XKR6: variants seen among roughly 807,000 people sequenced by gnomAD.
XKR6 encodes the protein XK-related protein 6.
In XKR6, 22 loss-of-function variants were observed where a neutral mutation model predicts 56.7. That is an observed-to-expected ratio of 0.39 (90% CI 0.28 to 0.55). XKR6 has a LOEUF of 0.55. Ranked by LOEUF, XKR6 falls within the 20% of genes least tolerant of loss-of-function variation. XKR6 has a pLI of 0.66. For missense variants in XKR6, 852 were observed against 889.0 expected, an observed-to-expected ratio of 0.96 and a Z score of 0.53; for synonymous variants, 524 against 387.8, an observed-to-expected ratio of 1.35 and a Z score of -4.13.
intron 1 of XKR6, among the ~76,000 whole-genome samples, chr8:10,990,518 C>T (rs1797966159): frequency 6.6e-6 from 1 of 152,326 alleles, no homozygotes; most frequent in Non-Finnish European, 1.5e-5. Flanking sequence ...TGGGAGCTGT[C>T]CATGGACACA....
At chr8:11,001,311 G>A (rs1798233413) in intron 1 of XKR6, among the ~76,000 whole-genome samples, 1 of 151,990 alleles carries the variant, frequency 6.6e-6, no homozygotes, top group South Asian at 2.1e-4. Flanking sequence ...TTTAGGGCCA[G>A]CTAGTGAATA....
chr8:10,988,558 A>C lies in XKR6; in HGVS notation c.765-63728T>G, dbSNP rs139269822. 1.4e-3 allele frequency among the ~76,000 whole-genome samples: 207 copies of C among 152,302 alleles called. 1 individual carries two copies. Among genetic ancestry groups the C allele is most frequent in the African/African-American group, 4.5e-3 (188 of 41,564 alleles). ...GGCAAGGAATGCTAGGCACAGTTCC[A>C]TTCCATGCAAGGTCCACACAGAAAC... On this transcript the variant is annotated intron_variant, in intron 1 of 2. Coordinates refer to ENST00000416569, the MANE Select transcript of XKR6 (RefSeq NM_173683.4).
chr8:10,995,717 G>A (rs1344037154), intron 1 of XKR6, among the ~76,000 whole-genome samples: 2 of 151,598 alleles, frequency 1.3e-5, no homozygotes, highest in African/African-American at 2.4e-5. Context: ...AAAATTGAGG[G>A]CATTAATTTT....
intron 1 of XKR6, among the ~76,000 whole-genome samples, chr8:10,983,994 C>A (rs1364754345): frequency 2.6e-5 from 4 of 152,076 alleles, no homozygotes; most frequent in Non-Finnish European, 4.4e-5. Flanking sequence ...ACATTGACAT[C>A]AAACTCCCCA....
chr8:11,144,960 G>A (rs1397020898), intron 1 of XKR6, among the ~76,000 whole-genome samples: 2 of 146,338 alleles, frequency 1.4e-5, no homozygotes, highest in East Asian at 2.0e-4. Flanking sequence ...GGAGAGAAGG[G>A]AGGAAGGAAG....
chr8:11,071,213 CA>C (rs1189810485), intron 1 of XKR6, among the ~76,000 whole-genome samples: 1 of 152,164 alleles, frequency 6.6e-6, no homozygotes, highest in African/African-American at 2.4e-5. Context: ...GGTCATTGCT[CA>C]GCATTTAGGG....
intron 1 of XKR6, among the ~76,000 whole-genome samples, chr8:11,009,445 G>C (rs1798450755): frequency 6.6e-6 from 1 of 152,190 alleles, no homozygotes; most frequent in African/African-American, 2.4e-5. Context: ...TGGGGAAGTT[G>C]AGGCTGCAGA....
chr8:11,184,103 T>C (rs1284001977), intron 1 of XKR6, among the ~76,000 whole-genome samples: 3 of 152,150 alleles, frequency 2.0e-5, no homozygotes, highest in Non-Finnish European at 4.4e-5. Context: ...TCATACATAG[T>C]GTATATTTGA....
At chr8:11,091,989 G>C (rs889441574) in intron 1 of XKR6, among the ~76,000 whole-genome samples, 1 of 152,156 alleles carries the variant, frequency 6.6e-6, no homozygotes, top group African/African-American at 2.4e-5. Context: ...CTGCGGTTCA[G>C]AATTTTTTCG....
At chr8:11,093,814 C>A (rs113033410) in intron 1 of XKR6, among the ~76,000 whole-genome samples, 3 of 151,812 alleles carry the variant, frequency 2.0e-5, no homozygotes, top group Non-Finnish European at 4.4e-5. Flanking sequence ...GATGGAGTCT[C>A]GCTCTGTCGC....
chr8:10,968,434 C>T (rs947568744), intron 1 of XKR6, among the ~76,000 whole-genome samples: 4 of 152,250 alleles, frequency 2.6e-5, no homozygotes, highest in Non-Finnish European at 5.9e-5. Flanking sequence ...CTCTCCCCAG[C>T]TTTGTGCCCT....
At chr8:11,123,167 G>A (rs990841923) in intron 1 of XKR6, among the ~76,000 whole-genome samples, 11 of 151,266 alleles carry the variant, frequency 7.3e-5, no homozygotes, top group African/African-American at 2.4e-4. Context: ...AACCTGGGAG[G>A]TGGAGGTCGC....
chr8:10,959,018 A>G (rs1250878214), intron 1 of XKR6, among the ~76,000 whole-genome samples: 1 of 152,086 alleles, frequency 6.6e-6, no homozygotes, highest in Non-Finnish European at 1.5e-5. Flanking sequence ...ACCGGGGGAA[A>G]CCCTGCAGGG....
At chr8:11,013,181 T>C (rs575145325) in intron 1 of XKR6, among the ~76,000 whole-genome samples, 3 of 152,314 alleles carry the variant, frequency 2.0e-5, no homozygotes, top group African/African-American at 7.2e-5. Flanking sequence ...TAAGAGCAGA[T>C]ACCATCTATA....
At chr8:10,983,035 A>G (rs1217608163) in intron 1 of XKR6, among the ~76,000 whole-genome samples, 1 of 152,260 alleles carries the variant, frequency 6.6e-6, no homozygotes, top group African/African-American at 2.4e-5. Flanking sequence ...TAAGCATCAG[A>G]TGAAAGAATA....
intron 1 of XKR6, among the ~76,000 whole-genome samples, chr8:10,994,749 C>G (rs1171557755): frequency 3.3e-5 from 5 of 152,190 alleles, no homozygotes; most frequent in African/African-American, 1.2e-4. Flanking sequence ...AGGAAACTAA[C>G]TCGGGACTTT....
At chr8:11,189,896 C>G (rs1803460530) in intron 1 of XKR6, among the ~76,000 whole-genome samples, 1 of 152,196 alleles carries the variant, frequency 6.6e-6, no homozygotes, top group South Asian at 2.1e-4. Flanking sequence ...GTGGCTCACG[C>G]CTGTAATCCC....
intron 1 of XKR6, among the ~76,000 whole-genome samples, chr8:10,986,498 A>C (rs1173549427): frequency 2.6e-5 from 4 of 152,174 alleles, no homozygotes; most frequent in African/African-American, 9.6e-5. Context: ...GGCTGTGGAA[A>C]AGTTTAATGA....
chr8:11,158,572 G>A (rs903377108), intron 1 of XKR6, among the ~76,000 whole-genome samples: 6 of 152,120 alleles, frequency 3.9e-5, no homozygotes, highest in Non-Finnish European at 7.4e-5. Flanking sequence ...TTCATTAGTC[G>A]CCATTGAGAC....
Sources: allele counts gnomAD v4.1 joint callset (sites outside exome capture counted in the v4.1 genomes callset), GRCh38; gene constraint gnomAD v4.1.1; transcripts MANE v1.5; gene names NCBI Gene and HGNC (gene_info 2026-07-23, HGNC 2026-07-21).